Variants in ZNF365 observed in about 807,000 individuals in gnomAD.
ZNF365 encodes zinc finger protein 365, also known as protein ZNF365.
A neutral mutation model predicts 35.0 loss-of-function variants in ZNF365; 22 were observed. The ratio of observed to expected loss-of-function variants is 0.63; its 90% CI spans 0.45 to 0.90. The LOEUF is 0.90. ZNF365 is among the 40% of genes least tolerant of loss of function. ZNF365 has a pLI of 0.00. For missense variants in ZNF365, 448 were observed against 500.3 expected, an observed-to-expected ratio of 0.90 and a Z score of 1.00; for synonymous variants, 188 against 196.2, an observed-to-expected ratio of 0.96 and a Z score of 0.35.
chr10:62,436,410 A>G (rs1210017087), intron 3 of ZNF365, among the ~76,000 whole-genome samples: 1 of 152,220 alleles, frequency 6.6e-6, no homozygotes. Context: ...AGGAGAAAAA[A>G]AAGCCACTGG....
chr10:62,476,718 G>A (rs1298862692), intron 4 of ZNF365, among the ~76,000 whole-genome samples: 2 of 152,348 alleles, frequency 1.3e-5, no homozygotes, highest in African/African-American at 4.8e-5. Flanking sequence ...ATTAGACATT[G>A]AAGTGTTCTA....
At chr10:62,437,841 G>T (rs565630256) in intron 3 of ZNF365, among the ~76,000 whole-genome samples, 2 of 152,268 alleles carry the variant, frequency 1.3e-5, no homozygotes, top group African/African-American at 4.8e-5. Context: ...ATACTTTAAA[G>T]TAAGACAAAC....
intron 3 of ZNF365, among the ~76,000 whole-genome samples, chr10:62,422,535 A>G (rs541307430): frequency 2.8e-4 from 43 of 152,260 alleles, no homozygotes; most frequent in Admixed American, 8.5e-4. Flanking sequence ...AGCAGACCCA[A>G]TGATGCACAA....
In ZNF365 at chr10:62,479,884, G is replaced by C. The variant is rs375476481; in HGVS notation, c.990G>C (p.Ala330=). The change falls in exon 5 of 5, where the codon GCG becomes GCC. Residue 330 remains alanine, a synonymous_variant. Coordinates refer to the ZNF365 transcript ENST00000395255. Reference sequence around the variant, plus strand: ...TTGGCTTTTATGACTAGGAGTCTGCGATTGTGGAATAATGAACTTCGAATG... The same window carrying C: ...TTGGCTTTTATGACTAGGAGTCTGCCATTGTGGAATAATGAACTTCGAATG... 10 of 1,612,740 alleles carry C rather than the reference G, an allele frequency of 6.2e-6. No individual in the cohort carries two copies. In the East Asian group the frequency reaches 2.0e-4, roughly 32 times the overall value.
At chr10:62,468,554 G>A (rs1840981795) in intron 4 of ZNF365, among the ~76,000 whole-genome samples, 1 of 152,170 alleles carries the variant, frequency 6.6e-6, no homozygotes, top group Non-Finnish European at 1.5e-5. Flanking sequence ...TTAGGGTGAA[G>A]CTGGGGTTGA....
chr10:62,403,855 C>A (rs969956589), downstream of ZNF365, among the ~76,000 whole-genome samples: 1 of 152,192 alleles, frequency 6.6e-6, no homozygotes, highest in African/African-American at 2.4e-5. Flanking sequence ...TGATTCTGCT[C>A]AATCTGGATC....
chr10:62,413,259 T>A (rs1258912119), intron 3 of ZNF365, among the ~76,000 whole-genome samples: 1 of 152,166 alleles, frequency 6.6e-6, no homozygotes, highest in East Asian at 1.9e-4. Flanking sequence ...CTCCGACTCA[T>A]ACTAGTTAAA....
chr10:62,387,760 G>C (rs1289036214), intron 2 of ZNF365, among the ~76,000 whole-genome samples: 1 of 152,120 alleles, frequency 6.6e-6, no homozygotes, highest in East Asian at 1.9e-4. Flanking sequence ...CTCATTTGAT[G>C]TGCTGTTTTG....
chr10:62,402,514 C>T (rs907287821), downstream of ZNF365: 2 of 947,904 alleles, frequency 2.1e-6, no homozygotes, highest in Non-Finnish European at 2.5e-6. Flanking sequence ...GATCCACTAA[C>T]AGGAAACAAA....
intron 4 of ZNF365, among the ~76,000 whole-genome samples, chr10:62,468,099 T>C (rs1840974141): frequency 6.6e-6 from 1 of 152,206 alleles, no homozygotes; most frequent in Non-Finnish European, 1.5e-5. Flanking sequence ...TGAGTCGCTT[T>C]AAGATTATTT....
chr10:62,403,231 C>T (rs572386775), downstream of ZNF365, among the ~76,000 whole-genome samples: 26 of 152,228 alleles, frequency 1.7e-4, no homozygotes, highest in African/African-American at 6.0e-4. Flanking sequence ...AGAGAAGATA[C>T]AGTTATATTC....
chr10:62,473,572 T>C (rs1324137500), intron 4 of ZNF365, among the ~76,000 whole-genome samples: 2 of 144,810 alleles, frequency 1.4e-5, no homozygotes, highest in Non-Finnish European at 3.1e-5. Context: ...CACCTCTCTG[T>C]AATGAAGTTC....
intron 4 of ZNF365, among the ~76,000 whole-genome samples, chr10:62,475,002 C>T (rs766688476): frequency 5.3e-5 from 8 of 152,184 alleles, no homozygotes; most frequent in Non-Finnish European, 1.0e-4. Context: ...TTGGACAATG[C>T]CTCTTGGGCT....
chr10:62,417,428 C>A lies in ZNF365; in HGVS notation c.924+28852C>A, dbSNP rs116616543. On this transcript the variant is annotated intron_variant, in intron 3 of 4. Transcript: ENST00000395255. ...TCCATTCTCATCAATTTGCTAATGC[C>A]GTGTTTGGTTCAGCTACAGTTCATT... Among the ~76,000 whole-genome samples the A allele has an allele frequency of 9.0e-3, 1,374 of 152,072 alleles. 23 individuals carry two copies. The highest frequency in any genetic ancestry group is 0.032 in the African/African-American group (1,313 of 41,530).
intron 4 of ZNF365, among the ~76,000 whole-genome samples, chr10:62,467,068 T>C (rs960144520): frequency 1.3e-5 from 2 of 152,208 alleles, no homozygotes; most frequent in Admixed American, 1.3e-4. Context: ...CATTTGCAAG[T>C]AAAATAACCT....
intron 3 of ZNF365, among the ~76,000 whole-genome samples, chr10:62,423,697 A>G (rs1840209205): frequency 6.6e-6 from 1 of 152,184 alleles, no homozygotes; most frequent in South Asian, 2.1e-4. Context: ...ATCAAATTTA[A>G]TGATGATTTT....
intron 3 of ZNF365, among the ~76,000 whole-genome samples, chr10:62,445,680 C>T (rs1840575344): frequency 1.3e-5 from 2 of 152,126 alleles, no homozygotes; most frequent in Admixed American, 1.3e-4. Flanking sequence ...GTGCTGGATA[C>T]GTGGGATTTG....
intron 3 of ZNF365, among the ~76,000 whole-genome samples, chr10:62,410,434 C>T (rs1484345118): frequency 6.6e-6 from 1 of 152,092 alleles, no homozygotes; most frequent in Non-Finnish European, 1.5e-5. Context: ...CACAGGTAAA[C>T]ATGTGCCATG....
intron 2 of ZNF365, among the ~76,000 whole-genome samples, chr10:62,378,256 C>T (rs1839370259): frequency 6.6e-6 from 1 of 152,262 alleles, no homozygotes; most frequent in Non-Finnish European, 1.5e-5. Context: ...GATGTGGTTA[C>T]TCTATGCGTA....
Sources: allele counts gnomAD v4.1 joint callset (sites outside exome capture counted in the v4.1 genomes callset), GRCh38; gene constraint gnomAD v4.1.1; transcripts MANE v1.5; gene names NCBI Gene and HGNC (gene_info 2026-07-23, HGNC 2026-07-21).